The following DNAH11 variants were observed in gnomAD, a reference collection of about 807,000 sequenced individuals.
DNAH11 encodes the protein axonemal beta dynein heavy chain 11.
In DNAH11, 442 loss-of-function variants were observed where a neutral mutation model predicts 526.0. The observed-to-expected ratio is 0.84, with a 90% CI of 0.78 to 0.91. DNAH11 has a LOEUF of 0.91. Among genes scored for constraint, DNAH11 ranks in the 40% least tolerant of loss-of-function variants. The pLI, the probability that DNAH11 is intolerant of heterozygous loss-of-function variation, is 0.00. For synonymous variants in DNAH11, 2,461 were observed against 1,935.9 expected (o/e 1.27, Z -7.12); for missense variants, 6,989 against 5,448.7 (o/e 1.28, Z -8.90).
At chr7:21,738,934 G>A in intron 47 of DNAH11, 68 bp downstream of exon 47, 1 of 1,262,152 alleles carries the variant, frequency 7.9e-7, no homozygotes, top group South Asian at 1.7e-5. Flanking sequence ...AATTACTATG[G>A]ATGAATAATT....
intron 44 of DNAH11, among the ~76,000 whole-genome samples, chr7:21,725,228 A>G (rs1041899491): frequency 2.6e-5 from 4 of 152,188 alleles, no homozygotes; most frequent in Admixed American, 6.5e-5. Context: ...AACCAAGCCC[A>G]TGCGTTTATC....
chr7:21,789,563 C>G (rs1007219385), intron 61 of DNAH11, among the ~76,000 whole-genome samples: 1 of 152,070 alleles, frequency 6.6e-6, no homozygotes, highest in Non-Finnish European at 1.5e-5. Context: ...GTTTCTACAG[C>G]TAAGAAACAT....
intron 65 of DNAH11, among the ~76,000 whole-genome samples, chr7:21,822,877 A>G (rs1401687138): frequency 2.7e-5 from 4 of 149,096 alleles, no homozygotes. Context: ...CACATTTCAT[A>G]TACCCGTTGG....
chr7:21,615,230 A>G lies in DNAH11; in HGVS notation c.3969A>G (p.Ile1323Met), dbSNP rs779250701. 1.9e-6 allele frequency: 3 copies of G among 1,613,592 alleles called. No individual in the cohort carries two copies. Among genetic ancestry groups the G allele is most frequent in the Admixed American group, 1.7e-5 (1 of 60,010 alleles). Residue 1323 changes from isoleucine to methionine, a missense_variant, in exon 21 of 82, where the codon ATA becomes ATG. Transcript: ENST00000409508. ...YKQMKQCRKE[I>M]KLLKGLWDVI... ...AAATGAAACAGTGTCGCAAAGAAAT[A>G]AAATTGCTCAAGGGACTGTGGGATG...
At chr7:21,804,722 G>A (rs1347638452) in intron 62 of DNAH11, among the ~76,000 whole-genome samples, 1 of 152,102 alleles carries the variant, frequency 6.6e-6, no homozygotes, top group Non-Finnish European at 1.5e-5. Flanking sequence ...GGTCCAGGCT[G>A]TGGCATCTCT....
chr7:21,679,655 G>C (rs1173229666), intron 30 of DNAH11, among the ~76,000 whole-genome samples: 1 of 152,088 alleles, frequency 6.6e-6, no homozygotes, highest in Non-Finnish European at 1.5e-5. Context: ...TTGACTCTAA[G>C]TCTGTCCTGA....
chr7:21,607,211 T>A (rs976037194), intron 20 of DNAH11, among the ~76,000 whole-genome samples: 1 of 152,072 alleles, frequency 6.6e-6, no homozygotes, highest in Non-Finnish European at 1.5e-5. Context: ...CCAGTGTTCG[T>A]GGACAAGAAG....
chr7:21,779,597 GTATTATGT>G (rs1382719833), intron 57 of DNAH11, among the ~76,000 whole-genome samples: 1 of 152,166 alleles, frequency 6.6e-6, no homozygotes, highest in East Asian at 1.9e-4. Context: ...CTGGCATTCT[GTATTATGT>G]TTTATTGTTG....
chr7:21,548,037 G>A (rs1782870224), intron 2 of DNAH11, among the ~76,000 whole-genome samples: 1 of 152,202 alleles, frequency 6.6e-6, no homozygotes, highest in Admixed American at 6.5e-5. Flanking sequence ...AATTATGAGA[G>A]ATGTAAGGAT....
Position 21,816,613 on chromosome 7 carries a change from T to G in DNAH11, c.10479T>G (p.Pro3493=). ...AAILTHCERW[P]LVIDPQQQGI... is the part of the protein sequence containing the mutation. ...TCCTAACACACTGTGAGCGCTGGCC[T>G]CTGGTGATAGATCCCCAGCAACAGG... Residue 3493 remains proline (P), a synonymous_variant, in exon 64 of 82, where the codon CCT becomes CCG. Transcript: ENST00000409508. The G allele has an allele frequency of 1.2e-6, 2 of 1,613,724 alleles. No individual in the cohort carries two copies. Among genetic ancestry groups the G allele is most frequent in the Non-Finnish European group, 1.7e-6 (2 of 1,179,794 alleles).
intron 66 of DNAH11, among the ~76,000 whole-genome samples, chr7:21,852,181 G>A (rs924346354): frequency 1.3e-5 from 2 of 152,046 alleles, no homozygotes; most frequent in African/African-American, 4.8e-5. Context: ...TAGGTGGGTG[G>A]ATCATTTGAG....
chr7:21,837,664 C>A (rs1163864375), intron 65 of DNAH11, among the ~76,000 whole-genome samples: 1 of 151,966 alleles, frequency 6.6e-6, no homozygotes, highest in Non-Finnish European at 1.5e-5. Flanking sequence ...TTTTTGGTAA[C>A]ACCATTATCA....
chr7:21,750,230 C>T lies in DNAH11; in HGVS notation c.8806C>T (p.Pro2936Ser), dbSNP rs758335201. The T allele has an allele frequency of 3.7e-6, 6 of 1,601,832 alleles. No individual in the cohort carries two copies. In the Admixed American group the frequency reaches 6.9e-5, roughly 18 times the overall value. The change falls in exon 54 of 82, where the codon CCA becomes TCA. Residue 2936 changes from proline (P) to serine (S), a missense_variant. Coordinates refer to ENST00000409508, the MANE Select transcript of DNAH11 (RefSeq NM_001277115.2). ...CTCATTCTTTGGGGCAGGAGAAATCCCAGATCTGTTCAGCGATGAAGATGT... is the reference window on the plus strand; with the variant it reads ...CTCATTCTTTGGGGCAGGAGAAATCTCAGATCTGTTCAGCGATGAAGATGT... Reference protein sequence around the residue: ...INDLLASGEIPDLFSDEDVDK... With the variant: ...INDLLASGEISDLFSDEDVDK...
rs201944089 is a variant in DNAH11, at chr7:21,787,442, G to T, written c.9783G>T (p.Glu3261Asp). 5.6e-6 allele frequency: 9 copies of T among 1,612,038 alleles called. No homozygotes were observed. In the African/African-American group the frequency reaches 1.1e-4, roughly 19 times the overall value. ...AAGCATTAATTAACTATGACAAAGA[G>T]CACATTCCAGAGAACTGTCTAAAAG... ...FLQALINYDK[E>D]HIPENCLKVV... Residue 3261 changes from glutamate to aspartate, a missense_variant, in exon 60 of 82, where the codon GAG (glutamate) becomes GAT (aspartate). By Grantham distance (45) the Glu-to-Asp change is conservative. Transcript: ENST00000409508.
intron 68 of DNAH11, 111 bp downstream of exon 68, chr7:21,854,566 T>A (rs1336005475): frequency 3.4e-6 from 4 of 1,170,892 alleles, no homozygotes; most frequent in African/African-American, 1.6e-5. Flanking sequence ...ATTACTATTA[T>A]TGAGACAGAG....
chr7:21,588,717 T>C (rs1467186113), intron 11 of DNAH11, 81 bp downstream of exon 11: 1 of 1,507,412 alleles, frequency 6.6e-7, no homozygotes, highest in Non-Finnish European at 9.1e-7. Flanking sequence ...GCTGTTCATA[T>C]TAGCACTTAG....
chr7:21,638,834 G>C, intron 27 of DNAH11, 105 bp from the exon 28 acceptor site: 1 of 1,327,804 alleles, frequency 7.5e-7, no homozygotes, highest in East Asian at 2.3e-5. Flanking sequence ...GTTAAACAGT[G>C]AGTTTACTAT....
At chr7:21,623,329 G>A (rs1404489278) in intron 25 of DNAH11, among the ~76,000 whole-genome samples, 1 of 150,672 alleles carries the variant, frequency 6.6e-6, no homozygotes, top group Non-Finnish European at 1.5e-5. Context: ...GTGCTGGAGA[G>A]GATGTGGAGA....
At chr7:21,789,800 TCTTTCTTTTTTCTTTC>T (rs1562547093) in intron 61 of DNAH11, among the ~76,000 whole-genome samples, 4 of 67,088 alleles carry the variant, frequency 6.0e-5, no homozygotes, top group Admixed American at 1.9e-4. Context: ...TTTCTTTCTT[TCTTTCTTTTTTCTTTC>T]TTTCTTTCTT....
Sources: gnomAD v4.1 joint callset for allele counts (sites outside exome capture counted in the v4.1 genomes callset) on GRCh38, gnomAD v4.1.1 for gene constraint, MANE v1.5 for transcripts, NCBI Gene and HGNC (gene_info 2026-07-23, HGNC 2026-07-21) for gene names.